Variants in URB2 observed in about 807,000 individuals in gnomAD.
URB2 encodes URB2 ribosome biogenesis homolog, also known as unhealthy ribosome biogenesis protein 2 homolog.
In URB2, 86 loss-of-function variants were observed where a neutral mutation model predicts 120.9. That is an observed-to-expected ratio of 0.71 (90% CI 0.60 to 0.85). The LOEUF (loss-of-function observed/expected upper bound fraction) is 0.85. URB2 is among the 40% of genes least tolerant of loss of function. The pLI, the probability that URB2 is intolerant of heterozygous loss-of-function variation, is 0.00. For missense variants in URB2, 1,765 were observed against 1,836.5 expected, an observed-to-expected ratio of 0.96 and a Z score of 0.71; for synonymous variants, 755 against 758.4, an observed-to-expected ratio of 1.00 and a Z score of 0.07.
intron 4 of URB2, among the ~76,000 whole-genome samples, chr1:229,642,982 A>T (rs944641808): frequency 1.3e-5 from 2 of 152,218 alleles, no homozygotes; most frequent in African/African-American, 4.8e-5. Context: ...GTATGTATTT[A>T]TGTATTATAT....
At chr1:229,651,931 C>A (rs1666283746) in intron 8 of URB2, among the ~76,000 whole-genome samples, 1 of 152,138 alleles carries the variant, frequency 6.6e-6, no homozygotes, top group East Asian at 1.9e-4. Context: ...GCTGTAATCC[C>A]AGCAATTTGA....
chr1:229,628,292 G>A (rs1469349073), intron 2 of URB2, among the ~76,000 whole-genome samples: 2 of 82,442 alleles, frequency 2.4e-5, no homozygotes, highest in African/African-American at 4.4e-5. Flanking sequence ...ATGGTGGCAT[G>A]TGCCTGTAGT....
intron 9 of URB2, 114 bp from the exon 10 acceptor site, chr1:229,658,983 TCAA>T: frequency 1.0e-6 from 1 of 958,202 alleles, no homozygotes; most frequent in Non-Finnish European, 1.5e-6. Flanking sequence ...GATTTTTTTC[TCAA>T]TTTGGAGGTC....
At position 229,635,436 on chromosome 1, in the gene URB2, C is replaced by T; in HGVS notation, c.823C>T (p.Leu275=). The T allele has an allele frequency of 1.2e-6, 2 of 1,613,770 alleles. No homozygotes were observed. The highest frequency in any genetic ancestry group is 1.7e-6 in the Non-Finnish European group (2 of 1,179,810). Residue 275 remains leucine, a synonymous_variant, in exon 4 of 10, where the codon CTG becomes TTG. Transcript: ENST00000258243. ...DVKTGAMKNL[L]APMDTVLNRL... ...GAAGACGGGAGCCATGAAGAACCTT[C>T]TGGCTCCCATGGACACCGTGCTTAA...
chr1:229,648,868 A>G (rs1020851918), intron 7 of URB2, among the ~76,000 whole-genome samples: 1 of 152,224 alleles, frequency 6.6e-6, no homozygotes, highest in Non-Finnish European at 1.5e-5. Flanking sequence ...TGCAAACACC[A>G]TAGATCGTAT....
chr1:229,634,804 C>T (rs907150282), intron 3 of URB2, 113 bp from the exon 4 acceptor site: 2 of 1,003,678 alleles, frequency 2.0e-6, no homozygotes, highest in African/African-American at 3.3e-5. Context: ...GCATTTCTTT[C>T]TTACCAAGAT....
chr1:229,637,872 C>G lies in URB2; in HGVS notation c.3259C>G (p.Leu1087Val). 1 of 1,600,292 alleles carries G rather than the reference C, an allele frequency of 6.2e-7. No individual in the cohort carries two copies. Among genetic ancestry groups the G allele is most frequent in the Non-Finnish European group, 8.5e-7 (1 of 1,174,006 alleles). The change falls in exon 4 of 10, where the codon CTG becomes GTG. Residue 1087 changes from leucine (L) to valine (V), a missense_variant. Leu to Val is a conservative substitution (Grantham distance 32). Coordinates refer to ENST00000258243, the MANE Select transcript of URB2 (RefSeq NM_014777.4). ...GQEAPAALSE[L>V]LQQVVLQTGA... ...AGAGGCCCCAGCAGCACTGTCTGAG[C>G]TGCTGCAGCAGGTTGTGCTGCAGAC...
Position 229,637,883 on chromosome 1 carries a change from G to A in URB2, c.3270G>A (p.Gln1090=), listed in dbSNP as rs1665889347. The change falls in exon 4 of 10, where the codon CAG becomes CAA. Residue 1090 remains glutamine (Q), a synonymous_variant. Coordinates refer to ENST00000258243, the MANE Select transcript of URB2 (RefSeq NM_014777.4). Reference sequence around the variant, plus strand: ...CAGCACTGTCTGAGCTGCTGCAGCAGGTTGTGCTGCAGACAGGAGCTGTGC... The same window carrying A: ...CAGCACTGTCTGAGCTGCTGCAGCAAGTTGTGCTGCAGACAGGAGCTGTGC... ...APAALSELLQ[Q]VVLQTGAVLQ... The A allele has an allele frequency of 1.2e-6, 2 of 1,600,284 alleles. No individual in the cohort carries two copies. The highest frequency in any genetic ancestry group is 2.7e-5 in the African/African-American group (2 of 74,154).
rs971741255 is a variant in URB2 at position 229,627,718 on chromosome 1, G to C, written c.85G>C (p.Ala29Pro). 5.6e-6 allele frequency: 9 copies of C among 1,612,352 alleles called. No individual in the cohort carries two copies. The highest frequency in any genetic ancestry group is 5.3e-5 in the African/African-American group (4 of 74,828). Residue 29 changes from alanine to proline, a missense_variant, in exon 2 of 10, where the codon GCT (alanine) becomes CCT (proline). Transcript: ENST00000258243. ...WEDKLKLAHF[A>P]WISHQCFLPN... Reference sequence around the variant, plus strand: ...AGATAAACTAAAACTAGCTCACTTTGCTTGGATTTCTCACCAGTGCTTTCT... The same window carrying C: ...AGATAAACTAAAACTAGCTCACTTTCCTTGGATTTCTCACCAGTGCTTTCT...
intron 3 of URB2, 112 bp downstream of exon 3, chr1:229,632,557 A>G (rs1429607547): frequency 1.3e-5 from 11 of 832,926 alleles, no homozygotes; most frequent in African/African-American, 1.8e-5. Flanking sequence ...ATACTAAGGT[A>G]GGAGAAAAAG....
chr1:229,646,076 T>A, intron 6 of URB2, 107 bp downstream of exon 6: 2 of 993,866 alleles, frequency 2.0e-6, no homozygotes, highest in Non-Finnish European at 3.1e-6. Flanking sequence ...ATGCAGAACG[T>A]GTGTGTGGGC....
In URB2 at chr1:229,643,632, T is replaced by C. The variant is rs1328383386; in HGVS notation, c.3734T>C (p.Leu1245Pro). Residue 1245 changes from leucine (L) to proline (P), a missense_variant, in exon 5 of 10, where the codon CTG (leucine) becomes CCG (proline). Transcript: ENST00000258243. Reference protein sequence around the residue: ...LEVGTTEDLRLVMQCILQGLD... With the variant: ...LEVGTTEDLRPVMQCILQGLD... Reference sequence around the variant, plus strand: ...GTTGGGACGACAGAGGACTTGAGGCTGGTGATGCAGTGTATTCTCCAGGGA... The same window carrying C: ...GTTGGGACGACAGAGGACTTGAGGCCGGTGATGCAGTGTATTCTCCAGGGA... 1 of 1,614,206 alleles carries C rather than the reference T, an allele frequency of 6.2e-7. No homozygotes were observed. Among genetic ancestry groups the C allele is most frequent in the East Asian group, 2.2e-5 (1 of 44,890 alleles).
rs1285948233 is a variant in URB2 at position 229,659,345 on chromosome 1, C to T, written c.*48C>T. 6.3e-7 allele frequency: 1 copy of T among 1,577,474 alleles called. No individual in the cohort carries two copies. Among genetic ancestry groups the T allele is most frequent in the African/African-American group, 1.3e-5 (1 of 74,152 alleles). The stretch of plus-strand genomic sequence containing the variant: ...CAGTGACACTGTCCAGAGGCTTTGG[C>T]TGCATGGTCTGAAAGAGCTGGAGAA... On this transcript the variant is annotated 3_prime_UTR_variant, in exon 10 of 10. Transcript: ENST00000258243.
intron 2 of URB2, among the ~76,000 whole-genome samples, chr1:229,627,961 C>G (rs951909882): frequency 1.3e-5 from 2 of 150,152 alleles, no homozygotes; most frequent in Non-Finnish European, 3.0e-5. Context: ...TGTTAAAAAA[C>G]CTCATTTAGG....
At chr1:229,628,220 A>G (rs938664361) in intron 2 of URB2, among the ~76,000 whole-genome samples, 34 of 144,762 alleles carry the variant, frequency 2.3e-4, no homozygotes. Context: ...ATACATATAC[A>G]TATTATATAT....
At chr1:229,633,256 G>T (rs1315548647) in intron 3 of URB2, among the ~76,000 whole-genome samples, 1 of 152,188 alleles carries the variant, frequency 6.6e-6, no homozygotes, top group Admixed American at 6.5e-5. Flanking sequence ...TTGAGATTGT[G>T]TTCCAAACTG....
At chr1:229,632,174 T>C in intron 2 of URB2, 95 bp from the exon 3 acceptor site, 1 of 797,188 alleles carries the variant, frequency 1.3e-6, no homozygotes, top group Non-Finnish European at 1.7e-6. Flanking sequence ...CCCGTGGCAA[T>C]TGGATTTGCT....
At chr1:229,649,711 G>A (rs1200112613) in intron 7 of URB2, among the ~76,000 whole-genome samples, 1 of 152,160 alleles carries the variant, frequency 6.6e-6, no homozygotes, top group Non-Finnish European at 1.5e-5. Context: ...CATCTAAAGG[G>A]TATGGTAAGA....
intron 7 of URB2, chr1:229,650,832 CTT>C (rs11345552): frequency 5.8e-4 from 86 of 147,968 alleles, no homozygotes; most frequent in East Asian, 5.9e-4. Context: ...TCAACATAAT[CTT>C]TTTTTTTTTG....
Sources: allele counts gnomAD v4.1 joint callset (sites outside exome capture counted in the v4.1 genomes callset), GRCh38; gene constraint gnomAD v4.1.1; transcripts MANE v1.5; gene names NCBI Gene and HGNC (gene_info 2026-07-23, HGNC 2026-07-21).